The following SLC35F4 variants were observed in gnomAD, a reference collection of about 807,000 sequenced individuals.
SLC35F4 encodes the protein chromosome 14 open reading frame 36.
Under a neutral mutation model 44.2 loss-of-function variants are expected in SLC35F4, and 24 were observed. The ratio of observed to expected loss-of-function variants is 0.54; its 90% CI spans 0.39 to 0.76. The LOEUF is 0.76. SLC35F4 is among the 30% of genes least tolerant of loss of function. SLC35F4 has a pLI of 0.00. For missense variants in SLC35F4, 562 were observed against 586.1 expected (o/e 0.96, Z 0.42); for synonymous variants, 238 against 223.6 (o/e 1.06, Z -0.57).
intron 1 of SLC35F4, among the ~76,000 whole-genome samples, chr14:57,787,253 G>A (rs1185928954): frequency 6.6e-6 from 1 of 152,152 alleles, no homozygotes; most frequent in African/African-American, 2.4e-5. Flanking sequence ...CCTCTAAGTA[G>A]TCTGGGATTA....
At chr14:57,747,042 A>G (rs2076773664) in intron 1 of SLC35F4, among the ~76,000 whole-genome samples, 1 of 152,206 alleles carries the variant, frequency 6.6e-6, no homozygotes, top group Non-Finnish European at 1.5e-5. Flanking sequence ...GAGATTTTTA[A>G]AAATATACAG....
intron 1 of SLC35F4, among the ~76,000 whole-genome samples, chr14:57,882,416 C>T (rs1009785463): frequency 2.0e-5 from 3 of 152,180 alleles, no homozygotes; most frequent in Non-Finnish European, 4.4e-5. Flanking sequence ...CTTTGCACTC[C>T]TACTTCTGTC....
intron 1 of SLC35F4, among the ~76,000 whole-genome samples, chr14:57,831,163 A>G (rs1316479796): frequency 6.6e-6 from 1 of 152,178 alleles, no homozygotes; most frequent in East Asian, 1.9e-4. Flanking sequence ...GATTCCTCCC[A>G]TTCCTTTCCT....
intron 1 of SLC35F4, among the ~76,000 whole-genome samples, chr14:57,625,578 G>A (rs1265130036): frequency 2.0e-5 from 3 of 152,118 alleles, no homozygotes; most frequent in African/African-American, 4.8e-5. Flanking sequence ...AAACCAAACA[G>A]CATGGTACTG....
chr14:57,982,647 G>A (rs1881414311), upstream of SLC35F4, among the ~76,000 whole-genome samples: 5 of 152,166 alleles, frequency 3.3e-5, no homozygotes, highest in South Asian at 8.3e-4. Context: ...TCAGAAGACA[G>A]GTGCTATGGT....
intron 1 of SLC35F4, among the ~76,000 whole-genome samples, chr14:57,875,613 A>T (rs1432270806): frequency 1.3e-5 from 2 of 152,196 alleles, no homozygotes; most frequent in Non-Finnish European, 2.9e-5. Context: ...ACTGGGCCAC[A>T]TATCTCATGA....
intron 1 of SLC35F4, among the ~76,000 whole-genome samples, chr14:57,783,653 C>T (rs1298441967): frequency 6.6e-6 from 1 of 152,168 alleles, no homozygotes; most frequent in African/African-American, 2.4e-5. Context: ...TCCATTGATG[C>T]TTTGTCTCTG....
intron 1 of SLC35F4, among the ~76,000 whole-genome samples, chr14:57,690,301 G>T (rs1003166784): frequency 6.6e-6 from 1 of 152,200 alleles, no homozygotes; most frequent in African/African-American, 2.4e-5. Context: ...ATGTTCTCAT[G>T]GCACTATTAT....
At chr14:57,819,594 G>A (rs938694033) in intron 1 of SLC35F4, among the ~76,000 whole-genome samples, 30 of 151,326 alleles carry the variant, frequency 2.0e-4, no homozygotes, top group African/African-American at 5.1e-4. Context: ...TCACAAGGTC[G>A]GGAGTTTGAG....
intron 1 of SLC35F4, among the ~76,000 whole-genome samples, chr14:57,639,356 G>C (rs2073135849): frequency 6.6e-6 from 1 of 151,812 alleles, no homozygotes; most frequent in Non-Finnish European, 1.5e-5. Flanking sequence ...ATAACTACAT[G>C]TATAAATTAA....
At chr14:57,683,804 T>C (rs577068755) in intron 1 of SLC35F4, among the ~76,000 whole-genome samples, 142 of 152,136 alleles carry the variant, frequency 9.3e-4, no homozygotes, top group Middle Eastern at 3.4e-3. Context: ...GGACTTCCAG[T>C]AGGAAAGGGG....
At chr14:57,743,393 AT>A (rs2076669347) in intron 1 of SLC35F4, among the ~76,000 whole-genome samples, 2 of 152,220 alleles carry the variant, frequency 1.3e-5, no homozygotes, top group Admixed American at 1.3e-4. Context: ...TAAAGGGGAT[AT>A]CACCACCAAT....
intron 1 of SLC35F4, among the ~76,000 whole-genome samples, chr14:57,717,926 T>C (rs1330160157): frequency 6.6e-6 from 1 of 152,222 alleles, no homozygotes; most frequent in African/African-American, 2.4e-5. Context: ...AGTCCTGCTG[T>C]TGTGCTATCA....
At chr14:57,934,228 G>C (rs1889754506) in intron 1 of SLC35F4, among the ~76,000 whole-genome samples, 1 of 151,520 alleles carries the variant, frequency 6.6e-6, no homozygotes. Context: ...GAGCATGAGA[G>C]AGGTTCTGGT....
downstream of SLC35F4, among the ~76,000 whole-genome samples, chr14:57,974,528 A>T (rs1276537238): frequency 6.6e-6 from 1 of 152,204 alleles, no homozygotes; most frequent in Non-Finnish European, 1.5e-5. Flanking sequence ...CTACCAGCTT[A>T]AATATTTACT....
chr14:57,840,977 C>A (rs996847539), intron 1 of SLC35F4, among the ~76,000 whole-genome samples: 2 of 152,058 alleles, frequency 1.3e-5, no homozygotes, highest in Non-Finnish European at 2.9e-5. Context: ...ATTCCTTTTT[C>A]ATTTAATTTT....
At chr14:57,671,173 T>C (rs760837348) in intron 1 of SLC35F4, among the ~76,000 whole-genome samples, 9 of 152,040 alleles carry the variant, frequency 5.9e-5, no homozygotes, top group Non-Finnish European at 1.0e-4. Flanking sequence ...CAGGTGCCCA[T>C]CCTCCAGCAC....
chr14:57,900,081 TAC>T (rs879375571), intron 1 of SLC35F4, among the ~76,000 whole-genome samples: 18,284 of 152,128 alleles, frequency 0.12, 1,344 homozygotes, highest in East Asian at 0.39. Flanking sequence ...TACTGATTGG[TAC>T]ATTTTACAGA....
chr14:57,581,479 C>A, intron 3 of SLC35F4, 46 bp from the exon 4 acceptor site: 1 of 1,521,036 alleles, frequency 6.6e-7, no homozygotes, highest in Non-Finnish European at 8.9e-7. Flanking sequence ...GATGGTGACA[C>A]CTCTTGTCTT....
Sources: allele counts gnomAD v4.1 joint callset (sites outside exome capture counted in the v4.1 genomes callset), GRCh38; gene constraint gnomAD v4.1.1; transcripts MANE v1.5; gene names NCBI Gene and HGNC (gene_info 2026-07-23, HGNC 2026-07-21).